CARMIL1: variants seen among roughly 807,000 people sequenced by gnomAD.
CARMIL1 encodes capping protein regulator and myosin 1 linker 1.
CARMIL1 carries 90 observed loss-of-function variants against 177.1 expected under a neutral mutation model. The ratio of observed to expected loss-of-function variants is 0.51; its 90% CI spans 0.43 to 0.61. The LOEUF (loss-of-function observed/expected upper bound fraction) is 0.61. CARMIL1 is among the 20% of genes least tolerant of loss of function. The probability of loss-of-function intolerance (pLI) is 0.00; values close to 1 mark genes in which losing one functional copy is unlikely to be tolerated. For missense variants in CARMIL1, 1,380 were observed against 1,667.0 expected (o/e 0.83, Z 3.00); for synonymous variants, 577 against 606.2 (o/e 0.95, Z 0.71).
At chr6:25,407,483 G>A (rs1191400388) in intron 2 of CARMIL1, among the ~76,000 whole-genome samples, 1 of 152,050 alleles carries the variant, frequency 6.6e-6, no homozygotes. Context: ...GTGGAGGTTT[G>A]GAGTGGAATG....
intron 11 of CARMIL1, chr6:25,479,184 C>T (rs1221348499): frequency 3.9e-6 from 2 of 518,896 alleles, no homozygotes; most frequent in East Asian, 1.1e-4. Context: ...CCAGTGATTA[C>T]CAGCCCTGTC....
At position 25,378,767 on chromosome 6, in the gene CARMIL1, G is replaced by A. The variant is rs144006345; in HGVS notation, c.139-41347G>A. On this transcript the variant is annotated intron_variant, in intron 2 of 36. Transcript: ENST00000329474. ...GGACTTAGAGTTTTCCATCTGCCTC[G>A]TAGTAAGTTTCTGGGTTTTTTCCTG... Among the ~76,000 whole-genome samples, 308 of 134,910 alleles carry A rather than the reference G, an allele frequency of 2.3e-3. 1 individual carries two copies. The highest frequency in any genetic ancestry group is 3.7e-3 in the Middle Eastern group (1 of 272). 88.5% of individuals were successfully genotyped at this position (134,910 alleles called of 152,430 possible).
chr6:25,291,550 A>T (rs999021387), intron 2 of CARMIL1, among the ~76,000 whole-genome samples: 1 of 152,194 alleles, frequency 6.6e-6, no homozygotes, highest in Non-Finnish European at 1.5e-5. Context: ...TGCCATAGTC[A>T]CTTTTCAGAC....
intron 1 of CARMIL1, among the ~76,000 whole-genome samples, chr6:25,283,502 G>A (rs368421869): frequency 3.2e-4 from 49 of 152,254 alleles, no homozygotes; most frequent in African/African-American, 1.1e-3. Flanking sequence ...TCCAGAGTAG[G>A]AGATAATGAG....
intron 2 of CARMIL1, among the ~76,000 whole-genome samples, chr6:25,400,682 C>G (rs1286731797): frequency 6.6e-6 from 1 of 152,166 alleles, no homozygotes; most frequent in Non-Finnish European, 1.5e-5. Flanking sequence ...GGGTTTTTCT[C>G]TAATAATGGC....
At chr6:25,434,066 G>T (rs1797032548) in intron 4 of CARMIL1, among the ~76,000 whole-genome samples, 2 of 152,068 alleles carry the variant, frequency 1.3e-5, no homozygotes, top group South Asian at 4.2e-4. Flanking sequence ...GCATTTTATG[G>T]GAATTTTTTG....
intron 2 of CARMIL1, among the ~76,000 whole-genome samples, chr6:25,319,403 A>G (rs1372263332): frequency 6.6e-6 from 1 of 152,108 alleles, no homozygotes; most frequent in Non-Finnish European, 1.5e-5. Context: ...GTATTGTAGC[A>G]TGCATTCTTC....
At chr6:25,481,298 C>T (rs958220253) in intron 11 of CARMIL1, among the ~76,000 whole-genome samples, 2 of 152,194 alleles carry the variant, frequency 1.3e-5, no homozygotes, top group African/African-American at 4.8e-5. Context: ...AGAACACCCA[C>T]TGTTCTAGGG....
At position 25,443,461 on chromosome 6, in the gene CARMIL1, A is replaced by G. The variant is rs77584050; in HGVS notation, c.372-6437A>G. Among the ~76,000 whole-genome samples, 284 of 152,300 alleles carry G rather than the reference A, an allele frequency of 1.9e-3. 3 individuals are homozygous for G. The East Asian group carries it at 0.02, about 11-fold the overall frequency. ...CTGCACTTGTAGATCTTGTGCATTT[A>G]CACGGAATTTGAAGAAATTAATGAC... On this transcript the variant is annotated intron_variant, in intron 5 of 36. Transcript: ENST00000329474.
chr6:25,325,750 G>A (rs1044966867), intron 2 of CARMIL1, among the ~76,000 whole-genome samples: 1 of 152,180 alleles, frequency 6.6e-6, no homozygotes, highest in African/African-American at 2.4e-5. Flanking sequence ...GTCTTGCTAG[G>A]CAGCAAGAGA....
chr6:25,518,899 A>C (rs752673073), intron 22 of CARMIL1, among the ~76,000 whole-genome samples: 1 of 152,246 alleles, frequency 6.6e-6, no homozygotes. Flanking sequence ...TAAAAAAGAC[A>C]TATCGTCTCT....
chr6:25,474,601 C>G (rs1304078518), intron 11 of CARMIL1, among the ~76,000 whole-genome samples: 1 of 152,148 alleles, frequency 6.6e-6, no homozygotes, highest in Non-Finnish European at 1.5e-5. Context: ...AATTAGAAAA[C>G]TAGATCACGC....
At chr6:25,540,681 A>G (rs1284417153) in intron 26 of CARMIL1, among the ~76,000 whole-genome samples, 1 of 152,194 alleles carries the variant, frequency 6.6e-6, no homozygotes, top group Non-Finnish European at 1.5e-5. Flanking sequence ...CAGCTACACT[A>G]GATAAATTTC....
chr6:25,477,571 G>C (rs1454683533), intron 11 of CARMIL1, among the ~76,000 whole-genome samples: 2 of 152,046 alleles, frequency 1.3e-5, no homozygotes, highest in Non-Finnish European at 2.9e-5. Flanking sequence ...TGGACTGTGG[G>C]TGAAGACCCA....
At chr6:25,397,554 A>T (rs900236145) in intron 2 of CARMIL1, among the ~76,000 whole-genome samples, 1 of 152,232 alleles carries the variant, frequency 6.6e-6, no homozygotes. Context: ...GGGTGTTTTT[A>T]CATGCACTTT....
At chr6:25,332,739 G>GCTTACACACACA (rs1785756093) in intron 2 of CARMIL1, among the ~76,000 whole-genome samples, 1 of 56,940 alleles carries the variant, frequency 1.8e-5, no homozygotes, top group Non-Finnish European at 4.3e-5. Flanking sequence ...ATGCAAACAT[G>GCTTACACACACA]CATACACACA....
At chr6:25,421,876 G>A (rs1349548893) in intron 3 of CARMIL1, among the ~76,000 whole-genome samples, 3 of 125,046 alleles carry the variant, frequency 2.4e-5, no homozygotes, top group Non-Finnish European at 5.0e-5. Flanking sequence ...GTTGTGGGGT[G>A]GGGGGAGGGG....
chr6:25,346,970 AAT>A (rs1385250905), intron 2 of CARMIL1, among the ~76,000 whole-genome samples: 3 of 152,222 alleles, frequency 2.0e-5, no homozygotes, highest in African/African-American at 7.2e-5. Context: ...TGCATTTAGA[AAT>A]ATGTCAGCTT....
At chr6:25,549,795 T>G (rs1809893116) in intron 26 of CARMIL1, among the ~76,000 whole-genome samples, 1 of 152,222 alleles carries the variant, frequency 6.6e-6, no homozygotes, top group Admixed American at 6.5e-5. Context: ...CAAGCCTTGC[T>G]TTCAAAAACT....
Sources: allele counts gnomAD v4.1 joint callset (sites outside exome capture counted in the v4.1 genomes callset), GRCh38; gene constraint gnomAD v4.1.1; transcripts MANE v1.5; gene names NCBI Gene and HGNC (gene_info 2026-07-23, HGNC 2026-07-21).